DNAI4: variants seen among roughly 807,000 people sequenced by gnomAD.
DNAI4 encodes WD repeat domain 78.
In DNAI4, 85 loss-of-function variants were observed where a neutral mutation model predicts 105.8. The observed-to-expected ratio is 0.80, with a 90% CI of 0.67 to 0.96. The LOEUF is 0.96. DNAI4 is among the 40% of genes least tolerant of loss of function. The probability of loss-of-function intolerance (pLI) is 0.00; values close to 1 mark genes in which losing one functional copy is unlikely to be tolerated. For synonymous variants in DNAI4, 352 were observed against 331.5 expected (o/e 1.06, Z -0.67); for missense variants, 1,014 against 1,005.6 (o/e 1.01, Z -0.11).
In DNAI4 at chr1:66,813,239, C is replaced by T. The variant is rs1163308333; in HGVS notation, c.*891G>A. 2 of 152,262 alleles carry T rather than the reference C, an allele frequency of 1.3e-5. No homozygotes were observed. The highest frequency in any genetic ancestry group is 4.8e-5 in the African/African-American group (2 of 41,418). 9.4% of individuals were successfully genotyped at this position (152,262 alleles called of 1,614,324 possible). On this transcript the variant is annotated 3_prime_UTR_variant, in exon 17 of 17. Coordinates refer to ENST00000371026, the MANE Select transcript of DNAI4 (RefSeq NM_024763.5). The stretch of plus-strand genomic sequence containing the variant: ...ACTTAGAATGCTTTATAGAACAGCC[C>T]ATCATGTCCTGTGGCCTCAGTTTAA...
chr1:66,907,966 T>C (rs1191733397), intron 1 of DNAI4, among the ~76,000 whole-genome samples: 3 of 152,206 alleles, frequency 2.0e-5, no homozygotes, highest in Non-Finnish European at 1.5e-5. Flanking sequence ...TCCTCTACCA[T>C]CTTTCTCATG....
At chr1:66,819,853 G>T (rs1244037807) in intron 16 of DNAI4, among the ~76,000 whole-genome samples, 3 of 151,890 alleles carry the variant, frequency 2.0e-5, no homozygotes, top group African/African-American at 7.3e-5. Context: ...GAGTTTGTGG[G>T]CAAGTTCTTA....
At chr1:66,886,826 T>G (rs1257685908) in intron 4 of DNAI4, among the ~76,000 whole-genome samples, 1 of 152,194 alleles carries the variant, frequency 6.6e-6, no homozygotes, top group African/African-American at 2.4e-5. Flanking sequence ...ATGGAATTCC[T>G]TAAACGCTGT....
At chr1:66,842,784 T>A (rs2100493225) in intron 8 of DNAI4, among the ~76,000 whole-genome samples, 1 of 152,334 alleles carries the variant, frequency 6.6e-6, no homozygotes, top group Admixed American at 6.5e-5. Context: ...TGAATAAGAC[T>A]TCTTGTTGCT....
intron 7 of DNAI4, among the ~76,000 whole-genome samples, chr1:66,855,299 C>T (rs1252490833): frequency 6.6e-6 from 1 of 152,264 alleles, no homozygotes; most frequent in Non-Finnish European, 1.5e-5. Context: ...ATCACTCTCT[C>T]TGCCTTCTGA....
In DNAI4 at chr1:66,834,288, T is replaced by C. The variant is rs571113496; in HGVS notation, c.1734-140A>G. On this transcript the variant is annotated intron_variant, in intron 11 of 16. Coordinates refer to ENST00000371026, the MANE Select transcript of DNAI4 (RefSeq NM_024763.5). ...CTTTTATTGTTCAAAAATAGACTTT[T>C]ATTTTAAATATTTTTAAAAAAGAAA... 53 of 593,058 alleles carry C rather than the reference T, an allele frequency of 8.9e-5. No individual in the cohort carries two copies. The African/African-American group carries it at 9.9e-4, about 11-fold the overall frequency. 36.7% of individuals were successfully genotyped at this position (593,058 alleles called of 1,614,324 possible).
intron 7 of DNAI4, among the ~76,000 whole-genome samples, chr1:66,850,547 A>G (rs1459151536): frequency 6.6e-6 from 1 of 152,064 alleles, no homozygotes; most frequent in African/African-American, 2.4e-5. Flanking sequence ...GAGAGAAAAT[A>G]AAGATAAATA....
intron 4 of DNAI4, among the ~76,000 whole-genome samples, chr1:66,877,372 A>T (rs1005742063): frequency 6.6e-6 from 1 of 152,226 alleles, no homozygotes; most frequent in Non-Finnish European, 1.5e-5. Context: ...CCTTCTAGTT[A>T]TATGGTAAAG....
intron 2 of DNAI4, among the ~76,000 whole-genome samples, chr1:66,901,742 T>C (rs1463795050): frequency 6.6e-6 from 1 of 152,212 alleles, no homozygotes; most frequent in African/African-American, 2.4e-5. Context: ...CTGAATCATA[T>C]AGTAATTCTA....
In DNAI4 at chr1:66,879,781, G is replaced by A. The variant is rs915603763; in HGVS notation, c.644-4844C>T. On this transcript the variant is annotated intron_variant, in intron 4 of 16. Coordinates refer to ENST00000371026, the MANE Select transcript of DNAI4 (RefSeq NM_024763.5). ...TATTTTCCTAATGACATATGAAACT[G>A]AGCATCATTTCATATGCTTATTATA... 7.2e-5 allele frequency among the ~76,000 whole-genome samples: 11 copies of A among 152,192 alleles called. 2 individuals are homozygous for A. The highest frequency in any genetic ancestry group is 1.3e-4 in the Admixed American group (2 of 15,292).
chr1:66,827,943 G>A (rs1645790028), intron 13 of DNAI4, 33 bp from the exon 14 acceptor site: 1 of 1,331,418 alleles, frequency 7.5e-7, no homozygotes, highest in Non-Finnish European at 1.1e-6. Flanking sequence ...GCATTGGCTT[G>A]TGATACATTA....
intron 4 of DNAI4, among the ~76,000 whole-genome samples, chr1:66,883,180 C>CTTTTTTTTTTT (rs755412295): frequency 2.5e-3 from 232 of 92,456 alleles, no homozygotes; most frequent in Non-Finnish European, 2.9e-3. Flanking sequence ...GTTTTCTTTT[C>CTTTTTTTTTTT]TTTTTTTTTT....
chr1:66,859,842 A>G (rs12045569), intron 7 of DNAI4, among the ~76,000 whole-genome samples: 33,575 of 152,058 alleles, frequency 0.22, 4,178 homozygotes, highest in East Asian at 0.55. Context: ...CACAGGGGAT[A>G]TTTAGGACAG....
chr1:66,922,472 G>C (rs527764732), intron 1 of DNAI4, among the ~76,000 whole-genome samples: 1 of 152,200 alleles, frequency 6.6e-6, no homozygotes, highest in Admixed American at 6.5e-5. Context: ...AAGAGGAAGA[G>C]TCTATAGTGA....
At chr1:66,896,127 C>T (rs1396031886) in intron 2 of DNAI4, among the ~76,000 whole-genome samples, 1 of 152,134 alleles carries the variant, frequency 6.6e-6, no homozygotes, top group African/African-American at 2.4e-5. Context: ...GTATGTTTGA[C>T]ACATACCACA....
intron 13 of DNAI4, among the ~76,000 whole-genome samples, chr1:66,831,723 T>C (rs890301055): frequency 1.3e-5 from 2 of 152,184 alleles, no homozygotes; most frequent in Non-Finnish European, 2.9e-5. Flanking sequence ...AATACAGGAA[T>C]GCATGCTTTC....
chr1:66,845,217 T>TAAA (rs869249698), intron 8 of DNAI4, among the ~76,000 whole-genome samples: 13 of 38,070 alleles, frequency 3.4e-4, no homozygotes, highest in Middle Eastern at 0.015. Flanking sequence ...AAAGAAAAAT[T>TAAA]AAAAAAAAAA....
intron 4 of DNAI4, among the ~76,000 whole-genome samples, chr1:66,879,529 T>A (rs1647023455): frequency 6.6e-6 from 1 of 152,208 alleles, no homozygotes; most frequent in South Asian, 2.1e-4. Flanking sequence ...AAATTTTCAG[T>A]TCATTTGGGT....
intron 1 of DNAI4, among the ~76,000 whole-genome samples, chr1:66,912,993 C>T (rs1456027764): frequency 1.3e-5 from 2 of 152,140 alleles, no homozygotes; most frequent in African/African-American, 4.8e-5. Context: ...GTTTTACTTG[C>T]TTCCAACACA....
Sources: allele counts gnomAD v4.1 joint callset (sites outside exome capture counted in the v4.1 genomes callset), GRCh38; gene constraint gnomAD v4.1.1; transcripts MANE v1.5; gene names NCBI Gene and HGNC (gene_info 2026-07-23, HGNC 2026-07-21).